NYAP2: variants seen among roughly 807,000 people sequenced by gnomAD.
The protein encoded by NYAP2 is neuronal tyrosine-phosphorylated phosphoinositide-3-kinase adapter 2.
In NYAP2, 23 loss-of-function variants were observed where a neutral mutation model predicts 50.4. That is an observed-to-expected ratio of 0.46 (90% CI 0.33 to 0.65). NYAP2 has a LOEUF of 0.65. Among genes scored for constraint, NYAP2 ranks in the 30% least tolerant of loss-of-function variants. The pLI, the probability that NYAP2 is intolerant of heterozygous loss-of-function variation, is 0.02. For missense variants in NYAP2, 885 were observed against 861.0 expected (o/e 1.03, Z -0.35); for synonymous variants, 394 against 365.2 (o/e 1.08, Z -0.90).
At chr2:225,478,740 G>C (rs1230536018) in intron 3 of NYAP2, among the ~76,000 whole-genome samples, 1 of 152,214 alleles carries the variant, frequency 6.6e-6, no homozygotes, top group East Asian at 1.9e-4. Context: ...TCAGGAACAT[G>C]AGATTGGAGT....
intron 5 of NYAP2, among the ~76,000 whole-genome samples, chr2:225,611,850 G>GTA (rs1182176458): frequency 4.0e-4 from 60 of 148,766 alleles, no homozygotes; most frequent in African/African-American, 1.3e-3. Flanking sequence ...AACATAATAA[G>GTA]TATATATATA....
At chr2:225,425,293 T>C (rs1695270573) in intron 3 of NYAP2, among the ~76,000 whole-genome samples, 1 of 152,194 alleles carries the variant, frequency 6.6e-6, no homozygotes, top group Admixed American at 6.6e-5. Flanking sequence ...CATTTATATT[T>C]TTCTTTTAGT....
At chr2:225,429,176 T>TG (rs1171636812) in intron 3 of NYAP2, among the ~76,000 whole-genome samples, 1 of 151,990 alleles carries the variant, frequency 6.6e-6, no homozygotes, top group Non-Finnish European at 1.5e-5. Context: ...GTTATTTGGC[T>TG]GGGGGTGTCG....
chr2:225,552,449 A>G (rs1004097463), intron 4 of NYAP2, among the ~76,000 whole-genome samples: 1 of 152,198 alleles, frequency 6.6e-6, no homozygotes, highest in African/African-American at 2.4e-5. Flanking sequence ...CGTCATCCAC[A>G]ATGTGATGAT....
intron 4 of NYAP2, among the ~76,000 whole-genome samples, chr2:225,545,078 T>C (rs1574669764): frequency 3.9e-5 from 6 of 152,300 alleles, no homozygotes; most frequent in African/African-American, 1.4e-4. Flanking sequence ...CTTCATCGTA[T>C]GTTATCTGTC....
chr2:225,411,559 CTA>C (rs986648744), intron 3 of NYAP2, among the ~76,000 whole-genome samples: 1 of 151,734 alleles, frequency 6.6e-6, no homozygotes, highest in African/African-American at 2.4e-5. Context: ...GAGTTGTAGT[CTA>C]TAGATTTCAC....
intron 5 of NYAP2, among the ~76,000 whole-genome samples, chr2:225,615,973 C>G (rs925321591): frequency 6.6e-6 from 1 of 152,110 alleles, no homozygotes; most frequent in Non-Finnish European, 1.5e-5. Flanking sequence ...AAGAAAAAGG[C>G]TTTTTCTTTA....
Position 225,651,472 on chromosome 2 carries a change from G to C in NYAP2, c.1869G>C (p.Thr623=), listed in dbSNP as rs61753536. ...GCAAATTAGGCCGGTCTGCGTCGAC[G>C]TCAGGTGTGCCTCCTCCATCAGTCA... Residue 623 remains threonine (T), a synonymous_variant, in exon 7 of 7, where the codon ACG becomes ACC. Transcript: ENST00000636099. The C allele has an allele frequency of 4.6e-3, 7,478 of 1,613,926 alleles. 36 individuals are homozygous for C. Among genetic ancestry groups the C allele is most frequent in the Non-Finnish European group, 5.1e-3 (5,982 of 1,179,860 alleles).
intron 3 of NYAP2, among the ~76,000 whole-genome samples, chr2:225,488,710 C>T (rs1690347503): frequency 6.6e-6 from 1 of 152,160 alleles, no homozygotes; most frequent in African/African-American, 2.4e-5. Flanking sequence ...CACATCCAGC[C>T]TTTGATAGGA....
the NYAP2 span, chr2:225,699,187 A>G: frequency 6.6e-6 from 1 of 151,982 alleles, no homozygotes; most frequent in African/African-American, 2.4e-5. Flanking sequence ...ATTTCTCTTT[A>G]GCATCCTCTG....
At chr2:225,579,047 C>T (rs903670894) in intron 4 of NYAP2, among the ~76,000 whole-genome samples, 30 of 151,876 alleles carry the variant, frequency 2.0e-4, no homozygotes, top group Admixed American at 6.6e-5. Flanking sequence ...CACACACACG[C>T]GCGTGCACAC....
chr2:225,504,666 C>T (rs1690670839), intron 3 of NYAP2, among the ~76,000 whole-genome samples: 1 of 151,944 alleles, frequency 6.6e-6, no homozygotes, highest in South Asian at 2.1e-4. Context: ...TGAATTTTGG[C>T]AGAGGTGAAA....
chr2:225,554,700 A>G (rs1340937909), intron 4 of NYAP2, among the ~76,000 whole-genome samples: 5 of 152,006 alleles, frequency 3.3e-5, no homozygotes, highest in African/African-American at 4.8e-5. Flanking sequence ...GCAAAGGGAG[A>G]GATGATGTGG....
intron 4 of NYAP2, among the ~76,000 whole-genome samples, chr2:225,533,517 T>C (rs1321746664): frequency 6.6e-6 from 1 of 152,006 alleles, no homozygotes; most frequent in Non-Finnish European, 1.5e-5. Context: ...AAAGACCCCA[T>C]CTCTACTAAA....
At chr2:225,502,108 G>C (rs1365246800) in intron 3 of NYAP2, among the ~76,000 whole-genome samples, 1 of 152,196 alleles carries the variant, frequency 6.6e-6, no homozygotes, top group African/African-American at 2.4e-5. Context: ...AGCTATCAAA[G>C]GGTTTTAATT....
chr2:225,397,947 A>G (rs7601852), upstream of NYAP2, among the ~76,000 whole-genome samples: 124,055 of 150,478 alleles, frequency 0.82, 51,657 homozygotes, highest in African/African-American at 0.91. Context: ...AAGGAAGGAA[A>G]GAAAGAAAAA....
the NYAP2 span, chr2:225,698,731 C>T: frequency 1.3e-5 from 2 of 151,746 alleles, no homozygotes; most frequent in Non-Finnish European, 2.9e-5. Flanking sequence ...TTATTTATCC[C>T]GGATTATTTT....
At chr2:225,690,302 A>G in the NYAP2 span, among the ~76,000 whole-genome samples, 1,199 of 152,194 alleles carry the variant, frequency 7.9e-3, 5 homozygotes, top group Non-Finnish European at 0.012. Context: ...GATCATTTGA[A>G]AGACTTGTGA....
At chr2:225,685,976 AT>A in the NYAP2 span, among the ~76,000 whole-genome samples, 1 of 152,108 alleles carries the variant, frequency 6.6e-6, no homozygotes, top group South Asian at 2.1e-4. Flanking sequence ...CAATATTATG[AT>A]TTTTTTCTGT....
Sources: allele counts gnomAD v4.1 joint callset (sites outside exome capture counted in the v4.1 genomes callset), GRCh38; gene constraint gnomAD v4.1.1; transcripts MANE v1.5; gene names NCBI Gene and HGNC (gene_info 2026-07-23, HGNC 2026-07-21).